The following JAKMIP1 variants were observed in gnomAD, a reference collection of about 807,000 sequenced individuals.
JAKMIP1 encodes janus kinase and microtubule-interacting protein 1.
A neutral mutation model predicts 113.0 loss-of-function variants in JAKMIP1; 33 were observed. The ratio of observed to expected loss-of-function variants is 0.29; its 90% confidence interval spans 0.22 to 0.39. The LOEUF is 0.39. JAKMIP1 is among the 10% of genes least tolerant of loss of function. The pLI is 1.00. For missense variants in JAKMIP1, 813 were observed against 1,080.5 expected, an observed-to-expected ratio of 0.75 and a Z score of 3.47; for synonymous variants, 480 against 459.9, an observed-to-expected ratio of 1.04 and a Z score of -0.56.
At position 6,061,527 on chromosome 4, in the gene JAKMIP1, G is replaced by A. The variant is rs888233877; in HGVS notation, c.1560+785C>T. The stretch of plus-strand genomic sequence containing the variant: ...TTGTGGAATTCCCAAACAGGGCTCT[G>A]AGAAAGAGCACAGGCCCTGAGTCCG... On this transcript the variant is annotated intron_variant, in intron 10 of 20. Coordinates refer to ENST00000409021, the MANE Select transcript of JAKMIP1 (RefSeq NM_001099433.2). This position sits in a 1 kb window ranked among gnomAD's most constrained non-coding sequence, Gnocchi z 5.3. 3.9e-5 allele frequency among the ~76,000 whole-genome samples: 6 copies of A among 152,224 alleles called. No individual in the cohort carries two copies. The highest frequency in any genetic ancestry group is 7.3e-5 in the Non-Finnish European group (5 of 68,048).
rs999396 is a variant in JAKMIP1 at position 6,128,930 on chromosome 4, C to T, written c.-147-15933G>A. On this transcript the variant is annotated intron_variant, in intron 1 of 20. Transcript: ENST00000409021. Reference sequence around the variant, plus strand: ...CGGCCCACTGCCCAGAACCCCCACACCCAGGGGGTGCCTTGCCCGGCCCCT... The same window carrying T: ...CGGCCCACTGCCCAGAACCCCCACATCCAGGGGGTGCCTTGCCCGGCCCCT... Among the ~76,000 whole-genome samples the T allele has an allele frequency of 3.1e-3, 476 of 152,364 alleles. 5 individuals carry two copies. The highest frequency in any genetic ancestry group is 0.011 in the African/African-American group (449 of 41,592).
chr4:6,046,157 G>A (rs1289508577), intron 16 of JAKMIP1, among the ~76,000 whole-genome samples: 1 of 152,152 alleles, frequency 6.6e-6, no homozygotes, highest in African/African-American at 2.4e-5. Context: ...GTCAGTCCCA[G>A]GCAAAGCAGA....
chr4:6,028,127 T>TCTCTGGG (rs2108739637), intron 20 of JAKMIP1, among the ~76,000 whole-genome samples: 2 of 152,338 alleles, frequency 1.3e-5, no homozygotes, highest in African/African-American at 4.8e-5. Flanking sequence ...TTTCCCAGGC[T>TCTCTGGG]CTCTGGGCCT....
At chr4:6,109,124 CTTTTTT>C (rs71173408) in intron 2 of JAKMIP1, among the ~76,000 whole-genome samples, 4 of 96,860 alleles carry the variant, frequency 4.1e-5, no homozygotes, top group Non-Finnish European at 8.4e-5. Flanking sequence ...CCTGGGGCAC[CTTTTTT>C]TTTTTTTTTT....
rs1720238386 is a variant in JAKMIP1 at position 6,142,041 on chromosome 4, T to C, written c.-147-29044A>G. The stretch of plus-strand genomic sequence containing the variant: ...TGTGAACACTCTACTGACTTCCTTC[T>C]GGGCTGCTTTTCCAGGGGCAGTTTT... On this transcript the variant is annotated intron_variant, in intron 1 of 20. Transcript: ENST00000409021. The surrounding 1 kb of genome is among the most constrained non-coding windows in gnomAD (Gnocchi z 5.5). Among the ~76,000 whole-genome samples the C allele has an allele frequency of 1.4e-5, 2 of 143,060 alleles. No individual in the cohort carries two copies. Among genetic ancestry groups the C allele is most frequent in the African/African-American group, 5.1e-5 (2 of 39,216 alleles). The allele number at this position is 143,060 out of a possible 152,430, so 93.9% of individuals were successfully genotyped here.
intron 3 of JAKMIP1, among the ~76,000 whole-genome samples, chr4:6,098,912 A>G (rs921535002): frequency 6.6e-6 from 1 of 152,228 alleles, no homozygotes; most frequent in Non-Finnish European, 1.5e-5. Context: ...ACTTCATGTG[A>G]GTAAAATCAT....
rs71173413 is a variant in JAKMIP1 at position 6,169,603 on chromosome 4, T to TTGTGTGTG, written c.-148+30642_-148+30649dup. Among the ~76,000 whole-genome samples the TTGTGTGTG allele has an allele frequency of 1.8e-3, 244 of 137,366 alleles. 2 individuals carry two copies. The highest frequency in any genetic ancestry group is 0.01 in the Middle Eastern group (3 of 288). The allele number at this position is 137,366 out of a possible 152,430, so 90.1% of individuals were successfully genotyped here. A position where few individuals can be genotyped will look rare whatever the true frequency, so the allele number is the denominator to read the frequency against. ...AATTTGTTACACCAGCCCTAGGAAA[T>TTGTGTGTG]TGTGTGTGTGTGTGTGTGTGTGTGT... On this transcript the variant is annotated intron_variant, in intron 1 of 20. Transcript: ENST00000409021.
intron 1 of JAKMIP1, among the ~76,000 whole-genome samples, chr4:6,124,822 G>T (rs16838298): frequency 0.17 from 25,966 of 152,220 alleles, 2,319 homozygotes; most frequent in Middle Eastern, 0.26. Flanking sequence ...ACACCTCTTT[G>T]GGGCAAACCT....
chr4:6,090,925 C>T (rs1721985317), intron 3 of JAKMIP1, among the ~76,000 whole-genome samples: 1 of 152,148 alleles, frequency 6.6e-6, no homozygotes, highest in Admixed American at 6.5e-5. Flanking sequence ...CCCACGTTGA[C>T]CATGACTGCC....
Position 6,105,925 on chromosome 4 carries a change from G to T in JAKMIP1, c.172C>A (p.Arg58Ser). 1 of 1,609,868 alleles carries T rather than the reference G, an allele frequency of 6.2e-7. No homozygotes were observed. ...RERLQEAKLE[R>S]EQEQRRHTAY... ...GTGTGCCGTCGCTGCTCCTGCTCGC[G>T]CTCCAGCTTCGCCTCCTGCAGCCGC... Residue 58 changes from arginine (R) to serine (S), a missense_variant, in exon 3 of 21, where the codon CGC becomes AGC. By Grantham distance (110) the Arg-to-Ser change is moderately radical (BLOSUM62 -1). Around this residue, in one of 2 missense-constraint regions of JAKMIP1, gnomAD observed 540 missense variants for 653.9 expected, o/e 0.83. Coordinates refer to ENST00000409021, the MANE Select transcript of JAKMIP1 (RefSeq NM_001099433.2).
At chr4:6,189,881 G>A (rs541988563) in intron 1 of JAKMIP1, among the ~76,000 whole-genome samples, 9 of 152,176 alleles carry the variant, frequency 5.9e-5, no homozygotes, top group Non-Finnish European at 1.0e-4. Flanking sequence ...TGGCTCAGTC[G>A]AGAGCAGCCG....
At chr4:6,145,188 C>T (rs908018905) in intron 1 of JAKMIP1, among the ~76,000 whole-genome samples, 2 of 152,136 alleles carry the variant, frequency 1.3e-5, no homozygotes, top group Non-Finnish European at 1.5e-5. Context: ...AATAATGAAT[C>T]GTAGAAACAG....
intron 1 of JAKMIP1, among the ~76,000 whole-genome samples, chr4:6,166,662 T>C (rs1224998021): frequency 3.9e-5 from 6 of 152,256 alleles, no homozygotes; most frequent in African/African-American, 1.2e-4. Context: ...CGGCATTTTA[T>C]GTGAATCTTC....
At position 6,199,139 on chromosome 4, in the gene JAKMIP1, C is replaced by G. The variant is rs994198238; in HGVS notation, c.-148+1114G>C. Reference sequence around the variant, plus strand: ...GGGCGTTCGCGGAGAGAGCACAGCACTGGCAAAGGCCAAGGACAGTGTGCC... The same window carrying G: ...GGGCGTTCGCGGAGAGAGCACAGCAGTGGCAAAGGCCAAGGACAGTGTGCC... On this transcript the variant is annotated intron_variant, in intron 1 of 20. Coordinates refer to ENST00000409021, the MANE Select transcript of JAKMIP1 (RefSeq NM_001099433.2). The surrounding 1 kb of genome is among the most constrained non-coding windows in gnomAD (Gnocchi z 5.6). Among the ~76,000 whole-genome samples, 15 of 152,274 alleles carry G rather than the reference C, an allele frequency of 9.9e-5. No individual in the cohort carries two copies. The highest frequency in any genetic ancestry group is 3.4e-4 in the African/African-American group (14 of 41,482).
rs971927489 is a variant in JAKMIP1 at position 6,129,300 on chromosome 4, G to A, written c.-147-16303C>T. Among the ~76,000 whole-genome samples the A allele has an allele frequency of 3.3e-5, 5 of 152,194 alleles. No individual in the cohort carries two copies. The highest frequency in any genetic ancestry group is 2.1e-4 in the South Asian group (1 of 4,822). On this transcript the variant is annotated intron_variant, in intron 1 of 20. Coordinates refer to ENST00000409021, the MANE Select transcript of JAKMIP1 (RefSeq NM_001099433.2). The surrounding 1 kb of genome is among the most constrained non-coding windows in gnomAD (Gnocchi z 5.4). The stretch of plus-strand genomic sequence containing the variant: ...GCTGGCACATGTGTGGTCAGATGCT[G>A]GGCGTGGCCCCACCCCATGCCAGCC...
Position 6,049,004 on chromosome 4 carries a change from T to G in JAKMIP1, c.1963-82A>C. 1 of 1,018,114 alleles carries G rather than the reference T, an allele frequency of 9.8e-7. No individual in the cohort carries two copies. Among genetic ancestry groups the G allele is most frequent in the South Asian group, 1.4e-5 (1 of 73,010 alleles). The allele number at this position is 1,018,114 out of a possible 1,614,324, so 63.1% of individuals were successfully genotyped here. A position where few individuals can be genotyped will look rare whatever the true frequency, so the allele number is the denominator to read the frequency against. On this transcript the variant is annotated intron_variant, in intron 15 of 20. Transcript: ENST00000409021. This position sits in a 1 kb window ranked among gnomAD's most constrained non-coding sequence, Gnocchi z 7.0. ...ACAGTCAGCACCAAGCAAGTTTTTT[T>G]TTTTCGTTGTTGTTGTTTGTTTTAT...
chr4:6,097,974 G>C lies in JAKMIP1; in HGVS notation c.624+7499C>G, dbSNP rs548523336. ...TATGGCTCACTTACATTGTGGGACA[G>C]AAAAGCGGTAACTGTGACTTGAATC... On this transcript the variant is annotated intron_variant, in intron 3 of 20. Transcript: ENST00000409021. The surrounding 1 kb of genome is among the most constrained non-coding windows in gnomAD (Gnocchi z 4.3). 1.3e-5 allele frequency among the ~76,000 whole-genome samples: 2 copies of C among 152,354 alleles called. No individual in the cohort carries two copies. The highest frequency in any genetic ancestry group is 2.9e-5 in the Non-Finnish European group (2 of 68,034).
At chr4:6,095,652 C>T (rs1251863771) in intron 3 of JAKMIP1, among the ~76,000 whole-genome samples, 2 of 152,240 alleles carry the variant, frequency 1.3e-5, no homozygotes, top group African/African-American at 2.4e-5. Flanking sequence ...ACTGGCAGAA[C>T]ACACACGGTG....
At chr4:6,127,664 C>A (rs1717893463) in intron 1 of JAKMIP1, among the ~76,000 whole-genome samples, 1 of 152,188 alleles carries the variant, frequency 6.6e-6, no homozygotes, top group Non-Finnish European at 1.5e-5. Flanking sequence ...CCTGGGAAGG[C>A]CCCACAGGCC....
Sources: gnomAD v4.1 joint callset for allele counts (sites outside exome capture counted in the v4.1 genomes callset) on GRCh38, gnomAD v4.1.1 for gene constraint, gnomAD v4.1.1 regional missense constraint, Gnocchi (gnomAD v3.1) non-coding constraint, MANE v1.5 for transcripts, NCBI Gene and HGNC (gene_info 2026-07-23, HGNC 2026-07-21) for gene names.